The following MED23 variants were observed in gnomAD, a reference collection of about 807,000 sequenced individuals.
MED23 encodes mediator complex subunit 23, also known as mediator of RNA polymerase II transcription subunit 23.
A neutral mutation model predicts 163.9 loss-of-function variants in MED23; 105 were observed. That is an observed-to-expected ratio of 0.64 (90% CI 0.55 to 0.75). The LOEUF (loss-of-function observed/expected upper bound fraction) is 0.75. Ranked by LOEUF, MED23 falls within the 30% of genes least tolerant of loss-of-function variation. The pLI is 0.00. For synonymous variants in MED23, 561 were observed against 565.6 expected (o/e 0.99, Z 0.12); for missense variants, 1,054 against 1,649.0 (o/e 0.64, Z 6.25).
chr6:131,618,467 T>A lies in MED23; in HGVS notation c.720A>T (p.Ser240=), dbSNP rs1776851894. The part of the protein sequence containing the change: ...VVNNSGAICN[S]WKLDPATLRF... ...GAAGAGTAGCAGGATCCAGTTTCCA[T>A]GAATTACAAATGGCACCCGAATTAT... Residue 240 remains serine (S), a synonymous_variant, in exon 9 of 29, where the codon TCA becomes TCT. Coordinates refer to ENST00000368068, the MANE Select transcript of MED23 (RefSeq NM_004830.4). The A allele has an allele frequency of 6.2e-7, 1 of 1,613,964 alleles. No homozygotes were observed. The highest frequency in any genetic ancestry group is 1.7e-5 in the Admixed American group (1 of 59,986).
At chr6:131,593,413 G>A (rs981054844) in intron 23 of MED23, among the ~76,000 whole-genome samples, 3 of 152,138 alleles carry the variant, frequency 2.0e-5, no homozygotes, top group Non-Finnish European at 4.4e-5. Context: ...AGCCACAGAT[G>A]CAACCAAGGT....
Position 131,598,480 on chromosome 6 carries a change from G to A in MED23, c.2427-13C>T, listed in dbSNP as rs1473625224. ...TCTCTCTAATACTCTGGAAGGCAGA[G>A]AGTAAAACATAAACTCCATTGTTGT... On this transcript the variant is annotated splice_polypyrimidine_tract_variant and intron_variant, in intron 19 of 28. Transcript: ENST00000368068. This position sits in a 1 kb window ranked among gnomAD's most constrained non-coding sequence, Gnocchi z 4.7. 1 of 1,614,084 alleles carries A rather than the reference G, an allele frequency of 6.2e-7. No individual in the cohort carries two copies. Among genetic ancestry groups the A allele is most frequent in the African/African-American group, 1.3e-5 (1 of 75,048 alleles).
intron 10 of MED23, chr6:131,615,262 A>C: frequency 6.3e-7 from 1 of 1,575,076 alleles, no homozygotes. Context: ...AAATGGAATC[A>C]GTGGCTACAA....
intron 3 of MED23, among the ~76,000 whole-genome samples, chr6:131,625,946 C>T (rs1418766094): frequency 6.6e-6 from 1 of 151,404 alleles, no homozygotes; most frequent in Non-Finnish European, 1.5e-5. Context: ...CACGATGAAA[C>T]CCCGTCTCTA....
intron 5 of MED23, among the ~76,000 whole-genome samples, chr6:131,622,445 T>C (rs1034115663): frequency 1.3e-5 from 2 of 152,170 alleles, no homozygotes; most frequent in African/African-American, 2.4e-5. Context: ...ATCCATCACA[T>C]ACCTTAATCT....
chr6:131,598,423 C>G lies in MED23; in HGVS notation c.2471G>C (p.Arg824Thr). The change falls in exon 20 of 29, where the codon AGG becomes ACG. Residue 824 changes from arginine to threonine, a missense_variant. This residue lies in a region of MED23 where 228 missense variants were observed against 461.3 expected (regional missense o/e 0.49). Transcript: ENST00000368068. This position sits in a 1 kb window ranked among gnomAD's most constrained non-coding sequence, Gnocchi z 4.7. ...IGARALVAHVRTFADFLVYEF... is the reference protein window; with the variant it reads ...IGARALVAHVTTFADFLVYEF... ...ATATACCAGGAAATCTGCAAATGTC[C>G]TCACATGGGCTACCAAGGCCCTGGC... 6.2e-7 allele frequency: 1 copy of G among 1,614,178 alleles called. No individual in the cohort carries two copies. The highest frequency in any genetic ancestry group is 8.5e-7 in the Non-Finnish European group (1 of 1,180,026).
chr6:131,587,934 C>T, intron 28 of MED23, 88 bp from the exon 29 acceptor site: 2 of 1,165,136 alleles, frequency 1.7e-6, no homozygotes, highest in Non-Finnish European at 1.2e-6. Context: ...TATCCGGAGA[C>T]AATAAACTAA....
chr6:131,588,731 C>G (rs1473350190), intron 28 of MED23, among the ~76,000 whole-genome samples: 1 of 152,072 alleles, frequency 6.6e-6, no homozygotes, highest in Non-Finnish European at 1.5e-5. Flanking sequence ...ACCTCCACTC[C>G]TTTAAAATGG....
chr6:131,627,370 G>T, intron 3 of MED23, 26 bp downstream of exon 3: 9 of 1,519,046 alleles, frequency 5.9e-6, no homozygotes, highest in Non-Finnish European at 8.2e-6. Context: ...ATCATCAGCT[G>T]AATGTATTAA....
At chr6:131,575,402 G>T (rs1254735267) in intron 30 of MED23, among the ~76,000 whole-genome samples, 1 of 152,116 alleles carries the variant, frequency 6.6e-6, no homozygotes, top group Admixed American at 6.5e-5. Flanking sequence ...ACCCTATTGG[G>T]GTTGAAAGAA....
intron 23 of MED23, 92 bp from the exon 24 acceptor site, chr6:131,593,263 T>C: frequency 1.3e-6 from 2 of 1,493,222 alleles, no homozygotes; most frequent in Non-Finnish European, 1.9e-6. Flanking sequence ...TTGTCTACGC[T>C]TAGAGAGATT....
At chr6:131,623,904 T>C (rs1223597501) in intron 4 of MED23, among the ~76,000 whole-genome samples, 2 of 152,224 alleles carry the variant, frequency 1.3e-5, no homozygotes, top group African/African-American at 4.8e-5. Flanking sequence ...CTGTATTATA[T>C]TTATCCTCAC....
intron 30 of MED23, among the ~76,000 whole-genome samples, chr6:131,576,417 C>T (rs575110162): frequency 6.6e-6 from 1 of 152,316 alleles, no homozygotes; most frequent in South Asian, 2.1e-4. Flanking sequence ...GGCTCTGCCA[C>T]TTATTAGCTG....
chr6:131,584,284 T>G (rs779162184), downstream of MED23: 1 of 209,672 alleles, frequency 4.8e-6, no homozygotes. Flanking sequence ...TGTGTCCATG[T>G]CATTCAAAAA....
At chr6:131,582,694 G>A (rs1410564479), downstream of MED23, 1 of 1,613,718 alleles carries the variant, frequency 6.2e-7, no homozygotes. Flanking sequence ...ATTGGCTTGA[G>A]AGACGTGGAC....
chr6:131,591,769 T>C (rs1474585823), intron 25 of MED23: 4 of 538,372 alleles, frequency 7.4e-6, no homozygotes, highest in African/African-American at 5.7e-5. Context: ...ATATACACTA[T>C]GCAGTAAATC....
At chr6:131,589,760 T>C (rs1170813619) in intron 27 of MED23, among the ~76,000 whole-genome samples, 164 bp from the exon 28 acceptor site, 1 of 151,616 alleles carries the variant, frequency 6.6e-6, no homozygotes, top group East Asian at 1.9e-4. Context: ...ATGATATGGC[T>C]TGCATTTATA....
intron 9 of MED23, among the ~76,000 whole-genome samples, chr6:131,617,061 T>C (rs968990105): frequency 1.3e-5 from 2 of 151,060 alleles, no homozygotes; most frequent in South Asian, 4.2e-4. Context: ...TGCCTGCCCA[T>C]ACTTAAAATA....
intron 25 of MED23, 74 bp from the exon 26 acceptor site, chr6:131,591,601 G>A (rs2114592531): frequency 8.7e-7 from 1 of 1,142,998 alleles, no homozygotes. Context: ...AAGTAATAGT[G>A]TTTTCTCATT....
Sources: allele counts gnomAD v4.1 joint callset (sites outside exome capture counted in the v4.1 genomes callset), GRCh38; gene constraint gnomAD v4.1.1; regional missense constraint gnomAD v4.1.1; non-coding constraint Gnocchi (gnomAD v3.1); transcripts MANE v1.5; gene names NCBI Gene and HGNC (gene_info 2026-07-23, HGNC 2026-07-21).